NNT: variants seen among roughly 807,000 people sequenced by gnomAD.
The protein encoded by NNT is NAD(P) transhydrogenase, mitochondrial.
Under a neutral mutation model 104.8 loss-of-function variants are expected in NNT, and 50 were observed. The ratio of observed to expected loss-of-function variants is 0.48; its 90% CI spans 0.38 to 0.60. The LOEUF is 0.60. NNT is among the 20% of genes least tolerant of loss of function. The probability of loss-of-function intolerance (pLI) is 0.00; values close to 1 mark genes in which losing one functional copy is unlikely to be tolerated. For missense variants in NNT, 1,131 were observed against 1,330.7 expected, an observed-to-expected ratio of 0.85 and a Z score of 2.33; for synonymous variants, 461 against 490.4, an observed-to-expected ratio of 0.94 and a Z score of 0.79.
intron 10 of NNT, among the ~76,000 whole-genome samples, chr5:43,646,110 C>T (rs1323991098): frequency 6.6e-6 from 1 of 152,060 alleles, no homozygotes; most frequent in Non-Finnish European, 1.5e-5. Flanking sequence ...GGTTTTTCAG[C>T]AACATGTTAC....
Position 43,675,566 on chromosome 5 carries a change from C to T in NNT, c.2690C>T (p.Thr897Ile). 1 of 1,613,602 alleles carries T rather than the reference C, an allele frequency of 6.2e-7. No individual in the cohort carries two copies. Among genetic ancestry groups the T allele is most frequent in the Non-Finnish European group, 8.5e-7 (1 of 1,179,858 alleles). The change falls in exon 18 of 22, where the codon ACA (threonine) becomes ATA (isoleucine). Residue 897 changes from threonine (T) to isoleucine (I), a missense_variant. By Grantham distance (89) the Thr-to-Ile change is moderately conservative. Transcript: ENST00000344920. Reference protein sequence around the residue: ...VILGGYGTTSTAGGKPMEISG... With the variant: ...VILGGYGTTSIAGGKPMEISG... ...CTTGGAGGCTATGGCACCACTTCAA[C>T]AGCTGGTGGAAAACCCATGGAAATT...
chr5:43,666,890 C>T, intron 17 of NNT: 3 of 1,550,972 alleles, frequency 1.9e-6, no homozygotes, highest in East Asian at 4.5e-5. Flanking sequence ...AGCCTGGGCC[C>T]CTTGGCAATA....
At chr5:43,621,816 T>G (rs1280153207) in intron 5 of NNT, among the ~76,000 whole-genome samples, 1 of 152,132 alleles carries the variant, frequency 6.6e-6, no homozygotes, top group African/African-American at 2.4e-5. Context: ...GAGGTGAGAT[T>G]TGAAGCATGG....
At chr5:43,628,714 GTA>G (rs1211233533) in intron 7 of NNT, among the ~76,000 whole-genome samples, 1 of 152,070 alleles carries the variant, frequency 6.6e-6, no homozygotes, top group Non-Finnish European at 1.5e-5. Flanking sequence ...AGCCTCCCAA[GTA>G]ACTGGGATTA....
intron 19 of NNT, among the ~76,000 whole-genome samples, chr5:43,689,737 G>A (rs548046658): frequency 2.6e-5 from 4 of 152,252 alleles, no homozygotes; most frequent in Admixed American, 6.5e-5. Context: ...AGAGAAAGGC[G>A]AAGTCCAAGT....
At chr5:43,613,581 A>G (rs943294507) in intron 3 of NNT, 3 of 153,928 alleles carry the variant, frequency 1.9e-5, no homozygotes, top group Non-Finnish European at 2.9e-5. Context: ...AGAGGGCATG[A>G]CTATTTTGGA....
At chr5:43,619,309 T>G (rs1749948289) in intron 5 of NNT, among the ~76,000 whole-genome samples, 190 bp downstream of exon 5, 1 of 152,166 alleles carries the variant, frequency 6.6e-6, no homozygotes, top group Non-Finnish European at 1.5e-5. Flanking sequence ...GAACTTTGAC[T>G]TTCTGAAAGT....
At chr5:43,662,763 C>T (rs1323762840) in intron 17 of NNT, among the ~76,000 whole-genome samples, 1 of 151,948 alleles carries the variant, frequency 6.6e-6, no homozygotes, top group Non-Finnish European at 1.5e-5. Context: ...CATGGTGGCA[C>T]ATGCCTATAG....
intron 17 of NNT, among the ~76,000 whole-genome samples, chr5:43,669,838 A>G (rs1020159215): frequency 5.4e-4 from 82 of 152,324 alleles, no homozygotes; most frequent in East Asian, 1.9e-3. Context: ...ATTGATTGGA[A>G]TAGTTTCAGA....
rs1231007537 is a variant in NNT, at chr5:43,700,151, C to T, written c.2909C>T (p.Pro970Leu). ...FGIHPVAGRMPGQLNVLLAEA... is the reference protein window; with the variant it reads ...FGIHPVAGRMLGQLNVLLAEA... ...ATTCACCCAGTTGCAGGCCGAATGCCTGGTCAGCTTAATGTGCTGCTGGCT... is the reference window on the plus strand; with the variant it reads ...ATTCACCCAGTTGCAGGCCGAATGCTTGGTCAGCTTAATGTGCTGCTGGCT... The change falls in exon 20 of 22, where the codon CCT (proline) becomes CTT (leucine). Residue 970 changes from proline (P) to leucine (L), a missense_variant. Physicochemically the swap from Pro to Leu is moderately conservative, Grantham distance 98 (BLOSUM62 -3). Transcript: ENST00000344920. 6.2e-7 allele frequency: 1 copy of T among 1,612,988 alleles called. No homozygotes were observed. The highest frequency in any genetic ancestry group is 8.5e-7 in the Non-Finnish European group (1 of 1,179,478).
chr5:43,704,528 A>G lies in NNT; in HGVS notation c.*124A>G. On this transcript the variant is annotated 3_prime_UTR_variant, in exon 22 of 22. Transcript: ENST00000344920. ...AAGCTCTTGGAGAAAATGAAGACTG[A>G]AGAAAGCAAAGCAAAAACTGTATAG... is the stretch of plus-strand genomic sequence containing the variant. 1 of 949,244 alleles carries G rather than the reference A, an allele frequency of 1.1e-6. No individual in the cohort carries two copies. The highest frequency in any genetic ancestry group is 1.5e-6 in the Non-Finnish European group (1 of 660,720). The allele number at this position is 949,244 out of a possible 1,614,324, so 58.8% of individuals were successfully genotyped here. A position where few individuals can be genotyped will look rare whatever the true frequency, so the allele number is the denominator to read the frequency against.
At chr5:43,686,565 A>T (rs1195827173) in intron 19 of NNT, among the ~76,000 whole-genome samples, 1 of 152,124 alleles carries the variant, frequency 6.6e-6, no homozygotes, top group Non-Finnish European at 1.5e-5. Context: ...ACAAGATAAA[A>T]ATTAGAAAAG....
At position 43,649,224 on chromosome 5, in the gene NNT, G is replaced by A; in HGVS notation, c.1522G>A (p.Ala508Thr). The change falls in exon 11 of 22, where the codon GCT becomes ACT. Residue 508 changes from alanine (A) to threonine (T), a missense_variant. Transcript: ENST00000344920. ...TCAGATGGTGACCACTTTTGGCTTG[G>A]CTGGCATTGTGGGGTATCATACCGT... The part of the protein sequence containing the change: ...FSQMVTTFGL[A>T]GIVGYHTVWG... 6.2e-7 allele frequency: 1 copy of A among 1,614,162 alleles called. No individual in the cohort carries two copies. Among genetic ancestry groups the A allele is most frequent in the South Asian group, 1.1e-5 (1 of 91,084 alleles).
intron 10 of NNT, among the ~76,000 whole-genome samples, chr5:43,646,868 C>A (rs1554049627): frequency 1.3e-5 from 2 of 152,016 alleles, no homozygotes; most frequent in Non-Finnish European, 2.9e-5. Flanking sequence ...AACATAAATT[C>A]TTTTTTTAAA....
intron 14 of NNT, among the ~76,000 whole-genome samples, chr5:43,655,003 C>T (rs1260393095): frequency 6.6e-6 from 1 of 152,186 alleles, no homozygotes; most frequent in Non-Finnish European, 1.5e-5. Context: ...CATGCAGTTC[C>T]TTCAGAGGCT....
At position 43,672,998 on chromosome 5, in the gene NNT, C is replaced by T. The variant is rs530877477; in HGVS notation, c.2635-2513C>T. On this transcript the variant is annotated intron_variant, in intron 17 of 21. Transcript: ENST00000344920. ...CTCAGCAATGGTGGGCGTCCCTCCC[C>T]CAGCCTTGCTGCCACCTTGCAGTTC... is the stretch of plus-strand genomic sequence containing the variant. 1.6e-4 allele frequency among the ~76,000 whole-genome samples: 24 copies of T among 152,374 alleles called. No homozygotes were observed. In the South Asian group the frequency reaches 3.5e-3, roughly 22 times the overall value.
chr5:43,688,167 T>C (rs941286873), intron 19 of NNT, among the ~76,000 whole-genome samples: 1 of 152,072 alleles, frequency 6.6e-6, no homozygotes, highest in Non-Finnish European at 1.5e-5. Context: ...AAAAGGGACT[T>C]TGTAGATTTG....
intron 14 of NNT, among the ~76,000 whole-genome samples, chr5:43,655,421 A>G (rs1158642009): frequency 6.6e-6 from 1 of 152,242 alleles, no homozygotes; most frequent in Non-Finnish European, 1.5e-5. Context: ...TGACATCACA[A>G]GTGGTGAATT....
chr5:43,705,661 G>C lies in NNT; in HGVS notation c.*1257G>C, dbSNP rs186242454. 1.3e-5 allele frequency: 2 copies of C among 152,102 alleles called. No homozygotes were observed. The highest frequency in any genetic ancestry group is 1.3e-4 in the Admixed American group (2 of 15,276). The allele number at this position is 152,102 out of a possible 1,614,324, so 9.4% of individuals were successfully genotyped here. On this transcript the variant is annotated 3_prime_UTR_variant, in exon 22 of 22. Coordinates refer to ENST00000344920, the MANE Select transcript of NNT (RefSeq NM_182977.3). ...AATCTCTAAACCAGAAAAAGAAGTA[G>C]TACAAATTTTGTTACTGTAATGCTC...
Sources: allele counts gnomAD v4.1 joint callset (sites outside exome capture counted in the v4.1 genomes callset), GRCh38; gene constraint gnomAD v4.1.1; transcripts MANE v1.5; gene names NCBI Gene and HGNC (gene_info 2026-07-23, HGNC 2026-07-21).